ASZ1: variants seen among roughly 807,000 people sequenced by gnomAD.
ASZ1 encodes the protein ankyrin repeat, SAM and basic leucine zipper domain-containing protein 1.
A neutral mutation model predicts 61.8 loss-of-function variants in ASZ1; 67 were observed. That is an observed-to-expected ratio of 1.08 (90% CI 0.89 to 1.33). The LOEUF (loss-of-function observed/expected upper bound fraction) is 1.33. Ranked by LOEUF, ASZ1 falls within the 40% of genes most tolerant of loss-of-function variation. The pLI, the probability that ASZ1 is intolerant of heterozygous loss-of-function variation, is 0.00. For missense variants in ASZ1, 577 were observed against 554.5 expected (o/e 1.04, Z -0.41); for synonymous variants, 193 against 192.7 (o/e 1.00, Z -0.01).
At chr7:117,383,148 T>C in intron 6 of ASZ1, 38 bp from the exon 7 acceptor site, 3 of 1,486,850 alleles carry the variant, frequency 2.0e-6, no homozygotes, top group Non-Finnish European at 2.7e-6. Flanking sequence ...TAATTAACAT[T>C]GCATACTGTA....
intron 4 of ASZ1, among the ~76,000 whole-genome samples, chr7:117,404,931 A>G (rs772435139): frequency 1.3e-5 from 2 of 152,060 alleles, no homozygotes; most frequent in Non-Finnish European, 2.9e-5. Context: ...ATTGACAGAG[A>G]AACCACCCTA....
chr7:117,408,847 G>C (rs1410591109), intron 4 of ASZ1, among the ~76,000 whole-genome samples: 2 of 152,084 alleles, frequency 1.3e-5, no homozygotes, highest in Non-Finnish European at 2.9e-5. Flanking sequence ...GATTATCTTG[G>C]AAGGGGCCTA....
chr7:117,390,631 TTAAC>T (rs1796446678), intron 4 of ASZ1, among the ~76,000 whole-genome samples: 1 of 152,216 alleles, frequency 6.6e-6, no homozygotes, highest in Non-Finnish European at 1.5e-5. Flanking sequence ...CCACAGTGGT[TTAAC>T]TAATTTACCT....
At chr7:117,393,333 A>T (rs1248462101) in intron 4 of ASZ1, among the ~76,000 whole-genome samples, 1 of 152,130 alleles carries the variant, frequency 6.6e-6, no homozygotes, top group Non-Finnish European at 1.5e-5. Context: ...TTTCTAAGAG[A>T]TATACTAAAG....
intron 3 of ASZ1, among the ~76,000 whole-genome samples, chr7:117,421,030 A>C (rs17132545): frequency 6.6e-6 from 1 of 152,202 alleles, no homozygotes; most frequent in East Asian, 1.9e-4. Flanking sequence ...CTTTGTATGT[A>C]ACAGGGTTAT....
rs35394991 is a variant in ASZ1 at position 117,364,419 on chromosome 7, C to CAG, written c.1276-673_1276-672dup. 1.5e-3 allele frequency among the ~76,000 whole-genome samples: 222 copies of CAG among 145,278 alleles called. 1 individual carries two copies. The highest frequency in any genetic ancestry group is 6.9e-3 in the Middle Eastern group (2 of 288). On this transcript the variant is annotated intron_variant, in intron 12 of 12. Coordinates refer to ENST00000284629, the MANE Select transcript of ASZ1 (RefSeq NM_130768.3). Reference sequence around the variant, plus strand: ...TGTGTTTCTGTGAGAGACAGAGAGACAGAGAGAGAGAGAGAGAGAGAGAGA... The same window carrying CAG: ...TGTGTTTCTGTGAGAGACAGAGAGACAGAGAGAGAGAGAGAGAGAGAGAGAGA...
rs369292124 is a variant in ASZ1 at position 117,388,130 on chromosome 7, C to G, written c.441-2321G>C. On this transcript the variant is annotated intron_variant, in intron 4 of 12. Transcript: ENST00000284629. ...AAGAAATAACCTGAATAGCCCTAGA[C>G]TTATTTTTTAAAAACTTAATTAGTA... 2.0e-4 allele frequency among the ~76,000 whole-genome samples: 31 copies of G among 152,184 alleles called. 2 individuals carry two copies. The highest frequency in any genetic ancestry group is 6.7e-4 in the African/African-American group (28 of 41,528).
At chr7:117,381,438 A>T (rs1420022436) in intron 8 of ASZ1, among the ~76,000 whole-genome samples, 1 of 152,142 alleles carries the variant, frequency 6.6e-6, no homozygotes, top group Non-Finnish European at 1.5e-5. Flanking sequence ...TTCTCCAAAT[A>T]GGGAGACATT....
chr7:117,407,781 T>C (rs751985479), intron 4 of ASZ1, among the ~76,000 whole-genome samples: 2 of 152,142 alleles, frequency 1.3e-5, no homozygotes, highest in Non-Finnish European at 1.5e-5. Flanking sequence ...TTAAGCTACT[T>C]TGACCTTCTG....
chr7:117,366,991 C>G (rs763763128), intron 12 of ASZ1, among the ~76,000 whole-genome samples: 2 of 152,084 alleles, frequency 1.3e-5, no homozygotes, highest in Admixed American at 6.5e-5. Flanking sequence ...GGATAAAATA[C>G]TATCAAAAGA....
chr7:117,376,852 G>T (rs1406691917), intron 10 of ASZ1, among the ~76,000 whole-genome samples: 1 of 151,932 alleles, frequency 6.6e-6, no homozygotes, highest in African/African-American at 2.4e-5. Context: ...AAAAGTGCAT[G>T]GTTTTCTCCT....
chr7:117,427,215 T>G lies in ASZ1; in HGVS notation c.105+141A>C. On this transcript the variant is annotated intron_variant, in intron 1 of 12. Transcript: ENST00000284629. ...ACGAGGAAATTTGTGCGGGTTTGCT[T>G]AAGTACAAACTCCCGTATTTCCACT... is the stretch of plus-strand genomic sequence containing the variant. 2.9e-6 allele frequency: 3 copies of G among 1,042,074 alleles called. No individual in the cohort carries two copies. The Middle Eastern group carries it at 6.4e-4, about 222-fold the overall frequency. The allele number at this position is 1,042,074 out of a possible 1,614,324, so 64.6% of individuals were successfully genotyped here. A position where few individuals can be genotyped will look rare whatever the true frequency, so the allele number is the denominator to read the frequency against.
intron 10 of ASZ1, among the ~76,000 whole-genome samples, chr7:117,371,602 T>C (rs539169725): frequency 2.0e-4 from 31 of 152,284 alleles, no homozygotes; most frequent in African/African-American, 6.5e-4. Context: ...ATATGACACA[T>C]TTCTGCCAAA....
chr7:117,377,470 G>GT (rs1796158710), intron 10 of ASZ1, among the ~76,000 whole-genome samples: 2 of 152,240 alleles, frequency 1.3e-5, no homozygotes, highest in African/African-American at 4.8e-5. Flanking sequence ...CGAGGTTGCA[G>GT]TGAGCCCTCA....
At chr7:117,366,270 G>GA (rs79056666) in intron 12 of ASZ1, among the ~76,000 whole-genome samples, 62 of 139,638 alleles carry the variant, frequency 4.4e-4, no homozygotes, top group African/African-American at 1.2e-3. Flanking sequence ...TATCAAAAAA[G>GA]AAAAAAAAAA....
intron 4 of ASZ1, among the ~76,000 whole-genome samples, chr7:117,392,070 G>A (rs1163341086): frequency 6.6e-6 from 1 of 152,144 alleles, no homozygotes; most frequent in Non-Finnish European, 1.5e-5. Context: ...TGGGGTTACA[G>A]GTGTGAGCCA....
chr7:117,381,992 G>A, intron 8 of ASZ1, 77 bp downstream of exon 8: 1 of 894,746 alleles, frequency 1.1e-6, no homozygotes, highest in Non-Finnish European at 1.8e-6. Flanking sequence ...ACATGTTTAT[G>A]AATTAATATC....
At chr7:117,379,848 T>C (rs776359670) in intron 10 of ASZ1, 90 bp downstream of exon 10, 81 of 811,536 alleles carry the variant, frequency 1.0e-4, no homozygotes, top group Non-Finnish European at 1.4e-4. Flanking sequence ...TGGTATCAAG[T>C]AAAATGACTC....
intron 4 of ASZ1, among the ~76,000 whole-genome samples, chr7:117,387,525 C>T (rs547438646): frequency 6.6e-6 from 1 of 152,108 alleles, no homozygotes; most frequent in African/African-American, 2.4e-5. Flanking sequence ...TTCATAAAGC[C>T]ACCATTAACC....
Sources: allele counts gnomAD v4.1 joint callset (sites outside exome capture counted in the v4.1 genomes callset), GRCh38; gene constraint gnomAD v4.1.1; transcripts MANE v1.5; gene names NCBI Gene and HGNC (gene_info 2026-07-23, HGNC 2026-07-21).